Variants in IGF2BP2 observed in about 807,000 individuals in gnomAD.
IGF2BP2 encodes the protein insulin like growth factor 2 mRNA binding protein 2.
In IGF2BP2, 17 loss-of-function variants were observed where a neutral mutation model predicts 75.8. The observed-to-expected ratio is 0.22, with a 90% CI of 0.15 to 0.34. The LOEUF (loss-of-function observed/expected upper bound fraction) is 0.34. Ranked by LOEUF, IGF2BP2 falls within the 10% of genes least tolerant of loss-of-function variation. The pLI is 1.00. For missense variants in IGF2BP2, 516 were observed against 772.4 expected (o/e 0.67, Z 3.93); for synonymous variants, 288 against 295.6 (o/e 0.97, Z 0.26).
intron 2 of IGF2BP2, chr3:185,722,564 G>A (rs1461024189): frequency 4.0e-6 from 1 of 248,856 alleles, no homozygotes; most frequent in South Asian, 4.0e-5. Context: ...GTGGGAAGGT[G>A]GAAACAGGGA....
rs1375664975 is a variant in IGF2BP2 at position 185,663,861 on chromosome 3, A to C, written c.1201-5452T>G. Among the ~76,000 whole-genome samples the C allele has an allele frequency of 2.0e-5, 3 of 152,288 alleles. No individual in the cohort carries two copies. The East Asian group carries it at 5.8e-4, about 29-fold the overall frequency. ...CAGGGATAAATCCCACTTGGTCATG[A>C]TGAATGGTCTTTCTAATGTACTGCT... is the stretch of plus-strand genomic sequence containing the variant. On this transcript the variant is annotated intron_variant, in intron 10 of 15. Coordinates refer to ENST00000382199, the MANE Select transcript of IGF2BP2 (RefSeq NM_006548.6).
chr3:185,751,632 G>A (rs1578191116), intron 2 of IGF2BP2, among the ~76,000 whole-genome samples: 2 of 150,156 alleles, frequency 1.3e-5, no homozygotes, highest in African/African-American at 4.9e-5. Flanking sequence ...GCAACAAGAG[G>A]GAAACTCCAT....
intron 2 of IGF2BP2, among the ~76,000 whole-genome samples, chr3:185,701,374 A>C (rs1220284074): frequency 1.3e-5 from 2 of 150,818 alleles, no homozygotes; most frequent in East Asian, 3.9e-4. Flanking sequence ...AAGTAAAAAA[A>C]AAAAAAAAAG....
chr3:185,798,925 C>T (rs1011463148), intron 2 of IGF2BP2, among the ~76,000 whole-genome samples: 4 of 151,804 alleles, frequency 2.6e-5, no homozygotes, highest in Non-Finnish European at 5.9e-5. Flanking sequence ...TACAGGCACA[C>T]ACCACCACGC....
chr3:185,810,811 CAAAA>C (rs1265034687), intron 2 of IGF2BP2, among the ~76,000 whole-genome samples: 3 of 149,534 alleles, frequency 2.0e-5, no homozygotes, highest in African/African-American at 7.4e-5. Flanking sequence ...AAAAAACAAA[CAAAA>C]AAAACAGAAC....
At chr3:185,675,769 G>A (rs1304892683) in intron 8 of IGF2BP2, 22 bp downstream of exon 8, 2 of 1,610,602 alleles carry the variant, frequency 1.2e-6, no homozygotes, top group African/African-American at 2.7e-5. Flanking sequence ...TTGGGCATGA[G>A]TAATCTGAGT....
At chr3:185,795,219 G>C (rs1050488386) in intron 2 of IGF2BP2, among the ~76,000 whole-genome samples, 1 of 152,174 alleles carries the variant, frequency 6.6e-6, no homozygotes, top group Non-Finnish European at 1.5e-5. Context: ...CTATAAGTGG[G>C]ATCATATAGT....
chr3:185,645,615 C>T lies in IGF2BP2; in HGVS notation c.1716G>A (p.Gln572=). 1 of 1,613,550 alleles carries T rather than the reference C, an allele frequency of 6.2e-7. No individual in the cohort carries two copies. Among genetic ancestry groups the T allele is most frequent in the Non-Finnish European group, 8.5e-7 (1 of 1,179,588 alleles). Residue 572 remains glutamine, a synonymous_variant, in exon 16 of 16, where the codon CAG becomes CAA. Coordinates refer to ENST00000382199, the MANE Select transcript of IGF2BP2 (RefSeq NM_006548.6). This position sits in a 1 kb window ranked among gnomAD's most constrained non-coding sequence, Gnocchi z 4.9. ...GTTGTACAATTTCCCTGATCTTGCGCTGTGCAGTCTGCAGCAAGGGAGAGA... is the reference window on the plus strand; with the variant it reads ...GTTGTACAATTTCCCTGATCTTGCGTTGTGCAGTCTGCAGCAAGGGAGAGA... The part of the protein sequence containing the change: ...IGHFFASQTA[Q]RKIREIVQQV...
intron 2 of IGF2BP2, chr3:185,712,651 T>G (rs1395850709): frequency 1.3e-5 from 2 of 152,030 alleles, no homozygotes; most frequent in African/African-American, 4.8e-5. Context: ...ACAGAACTGT[T>G]GCAAGGAGAA....
intron 2 of IGF2BP2, among the ~76,000 whole-genome samples, chr3:185,774,202 G>T (rs936753606): frequency 1.3e-5 from 2 of 152,172 alleles, no homozygotes; most frequent in Non-Finnish European, 2.9e-5. Flanking sequence ...AAGCAAGCAG[G>T]AGGGAGACGG....
At chr3:185,772,657 C>A (rs1734043605) in intron 2 of IGF2BP2, among the ~76,000 whole-genome samples, 2 of 149,144 alleles carry the variant, frequency 1.3e-5, no homozygotes. Context: ...CCTCAGCTCA[C>A]TGCAAACTCT....
intron 2 of IGF2BP2, among the ~76,000 whole-genome samples, chr3:185,770,637 G>A (rs757201492): frequency 6.6e-6 from 1 of 152,162 alleles, no homozygotes; most frequent in Non-Finnish European, 1.5e-5. Flanking sequence ...ACCCAAGGTG[G>A]AGGTGCCTTA....
Position 185,753,543 on chromosome 3 carries a change from T to A in IGF2BP2, c.240-55196A>T, listed in dbSNP as rs73058891. Among the ~76,000 whole-genome samples the A allele has an allele frequency of 7.9e-3, 1,199 of 152,328 alleles. 10 individuals are homozygous for A. Among genetic ancestry groups the A allele is most frequent in the African/African-American group, 0.026 (1,078 of 41,564 alleles). On this transcript the variant is annotated intron_variant, in intron 2 of 15. Coordinates refer to ENST00000382199, the MANE Select transcript of IGF2BP2 (RefSeq NM_006548.6). ...CTGTGTCACACGAAGATAAGGCAAC[T>A]GCGCAATCCAAAGAGACCAGCAGGC... is the stretch of plus-strand genomic sequence containing the variant.
intron 2 of IGF2BP2, among the ~76,000 whole-genome samples, chr3:185,797,897 T>TAAA (rs35850351): frequency 5.5e-4 from 50 of 90,344 alleles, no homozygotes; most frequent in African/African-American, 1.9e-3. Flanking sequence ...CCCTGTCTCT[T>TAAA]AAAAAAAAAA....
chr3:185,824,322 G>T (rs1350295699), intron 1 of IGF2BP2, among the ~76,000 whole-genome samples: 1 of 151,526 alleles, frequency 6.6e-6, no homozygotes, highest in African/African-American at 2.4e-5. Flanking sequence ...TGGGCACGAG[G>T]CACTGGAAGA....
At chr3:185,688,488 G>A (rs1721459776) in intron 6 of IGF2BP2, among the ~76,000 whole-genome samples, 2 of 152,106 alleles carry the variant, frequency 1.3e-5, no homozygotes, top group African/African-American at 2.4e-5. Context: ...GATTACAGGC[G>A]TGAGCCACCA....
chr3:185,711,154 G>A (rs1167501814), intron 2 of IGF2BP2, among the ~76,000 whole-genome samples: 2 of 152,168 alleles, frequency 1.3e-5, no homozygotes, highest in African/African-American at 2.4e-5. Context: ...GTTCTGTAAA[G>A]GGGGAAAATT....
intron 2 of IGF2BP2, among the ~76,000 whole-genome samples, chr3:185,799,412 C>T (rs1019946386): frequency 7.9e-5 from 12 of 151,860 alleles, no homozygotes; most frequent in African/African-American, 2.2e-4. Flanking sequence ...GACAAAACCA[C>T]AATGACATAC....
intron 7 of IGF2BP2, 92 bp downstream of exon 7, chr3:185,686,965 T>A: frequency 7.1e-7 from 1 of 1,401,078 alleles, no homozygotes. Flanking sequence ...AGTAACAGAT[T>A]TGGAGTTTTT....
Sources: gnomAD v4.1 joint callset for allele counts (sites outside exome capture counted in the v4.1 genomes callset) on GRCh38, gnomAD v4.1.1 for gene constraint, Gnocchi (gnomAD v3.1) non-coding constraint, MANE v1.5 for transcripts, NCBI Gene and HGNC (gene_info 2026-07-23, HGNC 2026-07-21) for gene names.